SKAP1: variants seen among roughly 807,000 people sequenced by gnomAD.
The protein encoded by SKAP1 is src kinase-associated phosphoprotein 1.
A neutral mutation model predicts 58.5 loss-of-function variants in SKAP1; 44 were observed. That is an observed-to-expected ratio of 0.75 (90% CI 0.59 to 0.97). The LOEUF is 0.97. SKAP1 is among the 50% of genes least tolerant of loss of function. The pLI, the probability that SKAP1 is intolerant of heterozygous loss-of-function variation, is 0.00. For missense variants in SKAP1, 390 were observed against 435.2 expected, an observed-to-expected ratio of 0.90 and a Z score of 0.92; for synonymous variants, 127 against 149.7, an observed-to-expected ratio of 0.85 and a Z score of 1.11.
intron 4 of SKAP1, among the ~76,000 whole-genome samples, chr17:48,271,362 C>CTTTTTTTTTTTT (rs35447830): frequency 4.7e-5 from 5 of 106,276 alleles, no homozygotes; most frequent in African/African-American, 6.9e-5. Flanking sequence ...TTCTTTGTTT[C>CTTTTTTTTTTTT]TTTTTTTTTT....
At chr17:48,430,770 A>C (rs1461304734), upstream of SKAP1, among the ~76,000 whole-genome samples, 1 of 152,214 alleles carries the variant, frequency 6.6e-6, no homozygotes, top group African/African-American at 2.4e-5. Flanking sequence ...CAGGAAACCA[A>C]ACTGTGCTGT....
At chr17:48,429,639 T>G (rs1018078620) in intron 1 of SKAP1, among the ~76,000 whole-genome samples, 1 of 152,106 alleles carries the variant, frequency 6.6e-6, no homozygotes, top group Non-Finnish European at 1.5e-5. Flanking sequence ...CGCAGCCCCC[T>G]GGAGAGCCTC....
intron 3 of SKAP1, among the ~76,000 whole-genome samples, chr17:48,353,187 C>T (rs2066825572): frequency 6.6e-6 from 1 of 152,086 alleles, no homozygotes; most frequent in African/African-American, 2.4e-5. Flanking sequence ...GTATGAATTT[C>T]ATGCTTGCAA....
intron 4 of SKAP1, among the ~76,000 whole-genome samples, chr17:48,205,019 C>CTTTCTTTCTTTCTT (rs1567819947): frequency 5.7e-4 from 24 of 41,978 alleles, no homozygotes; most frequent in Non-Finnish European, 5.7e-4. Context: ...CTTTCTTTTT[C>CTTTCTTTCTTTCTT]TTTCTTTCTT....
chr17:48,420,420 T>C (rs1192862735), intron 1 of SKAP1, among the ~76,000 whole-genome samples: 2 of 152,134 alleles, frequency 1.3e-5, no homozygotes, highest in African/African-American at 4.8e-5. Flanking sequence ...GGTGGGAACC[T>C]AAACAACTAT....
At chr17:48,186,853 A>G (rs890351213) in intron 6 of SKAP1, among the ~76,000 whole-genome samples, 4 of 152,186 alleles carry the variant, frequency 2.6e-5, no homozygotes, top group African/African-American at 7.2e-5. Context: ...ATTATTCCCT[A>G]TATTGGATAT....
intron 11 of SKAP1, among the ~76,000 whole-genome samples, chr17:48,138,374 T>TA (rs1239922833): frequency 6.7e-6 from 1 of 149,970 alleles, no homozygotes; most frequent in East Asian, 1.9e-4. Flanking sequence ...CCGGCTATTT[T>TA]TTTTTTTTTT....
At chr17:48,183,491 T>C (rs1476576347) in intron 7 of SKAP1, among the ~76,000 whole-genome samples, 2 of 152,178 alleles carry the variant, frequency 1.3e-5, no homozygotes, top group Admixed American at 1.3e-4. Flanking sequence ...TTTAATTATC[T>C]GGCCATTAGG....
chr17:48,358,621 G>A (rs2066903680), intron 3 of SKAP1, among the ~76,000 whole-genome samples: 1 of 152,104 alleles, frequency 6.6e-6, no homozygotes, highest in African/African-American at 2.4e-5. Context: ...CCCTACACCA[G>A]TGTTCAGCTA....
chr17:48,281,833 C>G (rs2065770293), intron 4 of SKAP1, among the ~76,000 whole-genome samples: 2 of 152,002 alleles, frequency 1.3e-5, no homozygotes, highest in African/African-American at 4.8e-5. Context: ...AAAACAAAAA[C>G]AGACAAAAAA....
chr17:48,397,103 T>A (rs755459388), intron 1 of SKAP1: 1 of 431,902 alleles, frequency 2.3e-6, no homozygotes, highest in Non-Finnish European at 3.1e-6. Context: ...ATCCAAGACC[T>A]TGCTATGAAT....
At chr17:48,342,359 C>A (rs546905661) in intron 4 of SKAP1, among the ~76,000 whole-genome samples, 75 of 152,284 alleles carry the variant, frequency 4.9e-4, no homozygotes, top group Middle Eastern at 3.4e-3. Flanking sequence ...CATTTTTATG[C>A]ATGGGTTAGC....
At chr17:48,151,901 T>G (rs2063907465) in intron 11 of SKAP1, among the ~76,000 whole-genome samples, 1 of 152,206 alleles carries the variant, frequency 6.6e-6, no homozygotes, top group Non-Finnish European at 1.5e-5. Flanking sequence ...TGTTACAATT[T>G]GATATACTTG....
intron 2 of SKAP1, among the ~76,000 whole-genome samples, chr17:48,373,603 G>C (rs2067115239): frequency 6.6e-6 from 1 of 152,132 alleles, no homozygotes; most frequent in Admixed American, 6.6e-5. Flanking sequence ...TGAATATTAG[G>C]GAGTGGTTAG....
intron 4 of SKAP1, among the ~76,000 whole-genome samples, chr17:48,233,866 A>C (rs1458029250): frequency 1.3e-5 from 2 of 152,138 alleles, no homozygotes; most frequent in Non-Finnish European, 2.9e-5. Flanking sequence ...GAGAAAAAAA[A>C]AATGTTTACT....
chr17:48,428,809 T>C (rs2067880398), intron 1 of SKAP1, among the ~76,000 whole-genome samples: 1 of 152,216 alleles, frequency 6.6e-6, no homozygotes, highest in Admixed American at 6.5e-5. Flanking sequence ...GATTGTTTCT[T>C]CTTAGACACC....
At chr17:48,280,574 T>C (rs566721901) in intron 4 of SKAP1, among the ~76,000 whole-genome samples, 417 of 152,290 alleles carry the variant, frequency 2.7e-3, no homozygotes, top group Non-Finnish European at 4.4e-3. Context: ...TTGACAAATA[T>C]ATACATATAT....
intron 4 of SKAP1, among the ~76,000 whole-genome samples, chr17:48,301,103 C>G (rs1405231727): frequency 6.6e-6 from 1 of 152,052 alleles, no homozygotes; most frequent in African/African-American, 2.4e-5. Flanking sequence ...AACAAAATAA[C>G]CAAAAAGCTC....
At chr17:48,377,274 C>A (rs2067161675) in intron 2 of SKAP1, 1 of 152,028 alleles carries the variant, frequency 6.6e-6, no homozygotes, top group African/African-American at 2.4e-5. Flanking sequence ...AGGTTGAAGA[C>A]TAAACTTTAC....
Sources: gnomAD v4.1 joint callset for allele counts (sites outside exome capture counted in the v4.1 genomes callset) on GRCh38, gnomAD v4.1.1 for gene constraint, MANE v1.5 for transcripts, NCBI Gene and HGNC (gene_info 2026-07-23, HGNC 2026-07-21) for gene names.